Variants in SHQ1 observed in about 807,000 individuals in gnomAD.
SHQ1 encodes protein SHQ1 homolog.
Under a neutral mutation model 53.8 loss-of-function variants are expected in SHQ1, and 49 were observed. The ratio of observed to expected loss-of-function variants is 0.91; its 90% CI spans 0.72 to 1.16. SHQ1 has a LOEUF of 1.16. Ranked by LOEUF, SHQ1 falls within the 50% of genes most tolerant of loss-of-function variation. The pLI is 0.00. For missense variants in SHQ1, 738 were observed against 683.1 expected (o/e 1.08, Z -0.90); for synonymous variants, 243 against 251.0 (o/e 0.97, Z 0.30).
intron 10 of SHQ1, among the ~76,000 whole-genome samples, chr3:72,758,719 A>G (rs974590865): frequency 2.6e-5 from 4 of 151,678 alleles, no homozygotes; most frequent in African/African-American, 9.7e-5. Context: ...ACAGGCACTC[A>G]CCACCACGCC....
intron 10 of SHQ1, chr3:72,753,080 C>G: frequency 2.0e-6 from 2 of 985,282 alleles, no homozygotes; most frequent in Non-Finnish European, 2.4e-6. Context: ...CTAAAAGAAC[C>G]AACATGACAC....
At chr3:72,814,361 A>G (rs1707239529) in intron 8 of SHQ1, 1 of 152,226 alleles carries the variant, frequency 6.6e-6, no homozygotes, top group African/African-American at 2.4e-5. Flanking sequence ...TTTGTCTTCA[A>G]TATGCATACA....
At chr3:72,734,374 G>T in the SHQ1 span, among the ~76,000 whole-genome samples, 1 of 150,890 alleles carries the variant, frequency 6.6e-6, no homozygotes, top group Non-Finnish European at 1.5e-5. Context: ...TCCTGCTTCA[G>T]CCTCCCAAGC....
chr3:72,744,078 G>A, the SHQ1 span, among the ~76,000 whole-genome samples: 1 of 152,168 alleles, frequency 6.6e-6, no homozygotes. Flanking sequence ...TTATGGGCGA[G>A]GCTCTACAAG....
chr3:72,810,604 T>G (rs1707087876), intron 9 of SHQ1, among the ~76,000 whole-genome samples: 1 of 152,200 alleles, frequency 6.6e-6, no homozygotes, highest in Non-Finnish European at 1.5e-5. Flanking sequence ...GACTGCATTT[T>G]GAATTATAAG....
At chr3:72,792,791 A>AC (rs1200394275) in intron 10 of SHQ1, 125 bp downstream of exon 10, 1 of 647,220 alleles carries the variant, frequency 1.5e-6, no homozygotes, top group Non-Finnish European at 2.4e-6. Flanking sequence ...TCTCAAAAAA[A>AC]AAAAAAAAAA....
intron 10 of SHQ1, among the ~76,000 whole-genome samples, chr3:72,791,432 C>T (rs1227956526): frequency 6.6e-6 from 1 of 152,170 alleles, no homozygotes; most frequent in Non-Finnish European, 1.5e-5. Flanking sequence ...TTATCTTGAG[C>T]AATCCCTAAG....
intron 9 of SHQ1, among the ~76,000 whole-genome samples, chr3:72,800,951 G>C (rs1164105832): frequency 6.6e-6 from 1 of 152,162 alleles, no homozygotes; most frequent in Non-Finnish European, 1.5e-5. Context: ...ATCCCTGCAA[G>C]ATGTGCCAGT....
chr3:72,823,013 G>A (rs1707526189), intron 6 of SHQ1, among the ~76,000 whole-genome samples: 1 of 152,064 alleles, frequency 6.6e-6, no homozygotes, highest in African/African-American at 2.4e-5. Context: ...GCCAGGCGCG[G>A]TGGCCGGTGC....
chr3:72,808,366 C>T (rs555008045), intron 9 of SHQ1, among the ~76,000 whole-genome samples: 117 of 152,242 alleles, frequency 7.7e-4, no homozygotes, highest in Middle Eastern at 3.4e-3. Context: ...GAAGCAAATT[C>T]CAGGCTTCAT....
rs79839354 is a variant in SHQ1 at position 72,802,653 on chromosome 3, C to T, written c.1061-9617G>A. ...TTTCTCAGGGAATACCGCTCCTCCA[C>T]ATCTTCTTTTCTAAATCCTACACAT... On this transcript the variant is annotated intron_variant, in intron 9 of 10. Coordinates refer to ENST00000325599, the MANE Select transcript of SHQ1 (RefSeq NM_018130.3). 3.7e-3 allele frequency among the ~76,000 whole-genome samples: 564 copies of T among 152,278 alleles called. 2 individuals are homozygous for T. Among genetic ancestry groups the T allele is most frequent in the African/African-American group, 0.012 (484 of 41,552 alleles).
intron 10 of SHQ1, among the ~76,000 whole-genome samples, chr3:72,761,909 C>T (rs1244018508): frequency 6.6e-6 from 1 of 152,192 alleles, no homozygotes; most frequent in Non-Finnish European, 1.5e-5. Context: ...CTTTAATCGT[C>T]AAACGATAAA....
At chr3:72,791,545 G>C (rs1317465879) in intron 10 of SHQ1, among the ~76,000 whole-genome samples, 2 of 152,086 alleles carry the variant, frequency 1.3e-5, no homozygotes, top group African/African-American at 4.8e-5. Context: ...CCATATAATG[G>C]CTCATTCAAA....
At chr3:72,756,118 C>T (rs1444139400) in intron 10 of SHQ1, among the ~76,000 whole-genome samples, 4 of 152,098 alleles carry the variant, frequency 2.6e-5, no homozygotes, top group Non-Finnish European at 4.4e-5. Flanking sequence ...AGGCTGGTCT[C>T]CAACTCCTGG....
chr3:72,846,302 T>TG, intron 1 of SHQ1: 2 of 1,471,076 alleles, frequency 1.4e-6, no homozygotes, highest in East Asian at 5.1e-5. Context: ...TATGTTCTTT[T>TG]TTTTTTTTTT....
the SHQ1 span, among the ~76,000 whole-genome samples, chr3:72,730,167 G>A: frequency 6.6e-6 from 1 of 151,712 alleles, no homozygotes; most frequent in Admixed American, 6.6e-5. Flanking sequence ...CCAGGCTGGG[G>A]CACAGTGATG....
chr3:72,792,363 C>T (rs1706465274), intron 10 of SHQ1, among the ~76,000 whole-genome samples: 1 of 152,208 alleles, frequency 6.6e-6, no homozygotes, highest in African/African-American at 2.4e-5. Context: ...ATACCAATAC[C>T]AATTTTTTCT....
rs1317056753 is a variant in SHQ1, at chr3:72,750,355, G to T, written c.1663C>A (p.Pro555Thr). 3 of 1,614,140 alleles carry T rather than the reference G, an allele frequency of 1.9e-6. No homozygotes were observed. Among genetic ancestry groups the T allele is most frequent in the East Asian group, 4.5e-5 (2 of 44,878 alleles). Reference sequence around the variant, plus strand: ...CGGTTTACAGCAGTGGTGCCCTTGGGTTCAGAAACCTGAACTGTAGTCTTC... The same window carrying T: ...CGGTTTACAGCAGTGGTGCCCTTGGTTTCAGAAACCTGAACTGTAGTCTTC... ...QLKTTVQVSE[P>T]KGTTAVNRSN... Residue 555 changes from proline to threonine, a missense_variant, in exon 11 of 11, where the codon CCC becomes ACC. Coordinates refer to ENST00000325599, the MANE Select transcript of SHQ1 (RefSeq NM_018130.3).
intron 10 of SHQ1, among the ~76,000 whole-genome samples, chr3:72,781,536 T>G (rs1170143240): frequency 1.3e-5 from 2 of 152,190 alleles, no homozygotes; most frequent in African/African-American, 4.8e-5. Flanking sequence ...TCTCATTGTT[T>G]TGGTGCACCA....
Sources: allele counts gnomAD v4.1 joint callset (sites outside exome capture counted in the v4.1 genomes callset), GRCh38; gene constraint gnomAD v4.1.1; transcripts MANE v1.5; gene names NCBI Gene and HGNC (gene_info 2026-07-23, HGNC 2026-07-21).